EDNRB: variants seen among roughly 807,000 people sequenced by gnomAD.
EDNRB encodes the protein endothelin receptor type B.
In EDNRB, 18 loss-of-function variants were observed where a neutral mutation model predicts 46.4. The observed-to-expected ratio is 0.39, with a 90% CI of 0.27 to 0.57. EDNRB has a LOEUF of 0.57. EDNRB is among the 20% of genes least tolerant of loss of function. The probability of loss-of-function intolerance (pLI) is 0.61; values close to 1 mark genes in which losing one functional copy is unlikely to be tolerated. For synonymous variants in EDNRB, 213 were observed against 204.9 expected (o/e 1.04, Z -0.34); for missense variants, 434 against 537.5 (o/e 0.81, Z 1.90).
At chr13:77,906,294 T>G (rs1879275146) in intron 1 of EDNRB, among the ~76,000 whole-genome samples, 1 of 151,926 alleles carries the variant, frequency 6.6e-6, no homozygotes, top group African/African-American at 2.4e-5. Context: ...CCCTTAGAAA[T>G]AAGAATAAAA....
At chr13:77,905,931 G>T in intron 1 of EDNRB, among the ~76,000 whole-genome samples, 1 of 151,922 alleles carries the variant, frequency 6.6e-6, no homozygotes, top group Non-Finnish European at 1.5e-5. Flanking sequence ...TCATTGCAAG[G>T]TTTGAAGAAG....
At chr13:77,963,162 G>T in intron 1 of EDNRB, among the ~76,000 whole-genome samples, 1 of 152,176 alleles carries the variant, frequency 6.6e-6, no homozygotes, top group East Asian at 1.9e-4. Context: ...TCATGGATAA[G>T]AATAATCAAT....
At chr13:77,903,877 C>T (rs1879135435) in intron 1 of EDNRB, among the ~76,000 whole-genome samples, 1 of 151,966 alleles carries the variant, frequency 6.6e-6, no homozygotes, top group Admixed American at 6.6e-5. Flanking sequence ...TCAGAGCAAA[C>T]TTGAGCCAGT....
intron 1 of EDNRB, among the ~76,000 whole-genome samples, chr13:77,950,366 A>G (rs1455674588): frequency 6.6e-6 from 1 of 152,172 alleles, no homozygotes; most frequent in Admixed American, 6.5e-5. Context: ...TGAGTTCCTC[A>G]GGGAGTGGTG....
Position 77,897,316 on chromosome 13 carries a change from T to C in EDNRB, c.*884A>G, listed in dbSNP as rs200208379. 4.1e-6 allele frequency: 4 copies of C among 985,222 alleles called. No homozygotes were observed. The highest frequency in any genetic ancestry group is 3.6e-6 in the Non-Finnish European group (3 of 829,844). 61.0% of individuals were successfully genotyped at this position (985,222 alleles called of 1,614,324 possible). Reference sequence around the variant, plus strand: ...AAGCTACGATAGTGAAAGAAGAAGATTTTAATAATCCTGAAAAAATTGTAG... The same window carrying C: ...AAGCTACGATAGTGAAAGAAGAAGACTTTAATAATCCTGAAAAAATTGTAG... On this transcript the variant is annotated 3_prime_UTR_variant, in exon 7 of 7. Coordinates refer to ENST00000646607, the MANE Select transcript of EDNRB (RefSeq NM_001122659.3).
intron 1 of EDNRB, among the ~76,000 whole-genome samples, chr13:77,912,453 A>G (rs1485409702): frequency 6.6e-6 from 1 of 152,148 alleles, no homozygotes; most frequent in Non-Finnish European, 1.5e-5. Flanking sequence ...TTCTGCTATC[A>G]ACCTGTTATC....
chr13:77,924,007 C>T (rs1280874976), upstream of EDNRB, among the ~76,000 whole-genome samples: 3 of 151,766 alleles, frequency 2.0e-5, no homozygotes, highest in South Asian at 2.1e-4. Flanking sequence ...AAAAAGTTTC[C>T]GATTATGCTT....
intron 1 of EDNRB, among the ~76,000 whole-genome samples, chr13:77,908,695 T>A (rs1879416439): frequency 6.6e-6 from 1 of 151,954 alleles, no homozygotes; most frequent in African/African-American, 2.4e-5. Flanking sequence ...TTTTAGTTTT[T>A]TCTTTGGACT....
chr13:77,931,371 T>C (rs1880392139), intron 1 of EDNRB, among the ~76,000 whole-genome samples: 1 of 152,098 alleles, frequency 6.6e-6, no homozygotes, highest in Admixed American at 6.6e-5. Flanking sequence ...ATAAATGACA[T>C]TCTTGGAAAA....
At position 77,918,657 on chromosome 13, in the gene EDNRB, C is replaced by T. The variant is rs1469384463; in HGVS notation, c.-84G>A. 3.4e-6 allele frequency: 5 copies of T among 1,475,092 alleles called. No homozygotes were observed. The highest frequency in any genetic ancestry group is 3.6e-4 in the Middle Eastern group (2 of 5,516). The allele number at this position is 1,475,092 out of a possible 1,614,324, so 91.4% of individuals were successfully genotyped here. On this transcript the variant is annotated 5_prime_UTR_variant, in exon 1 of 7. The change creates a new upstream start codon in the 5' untranslated region. Transcript: ENST00000646607. The surrounding 1 kb of genome is among the most constrained non-coding windows in gnomAD (Gnocchi z 4.5). ...CAAGCAGAGGAAGGAAGACAGGACA[C>T]TTGGGTCAGCTGCCCGAGCCAAGTC...
intron 1 of EDNRB, among the ~76,000 whole-genome samples, chr13:77,916,473 T>C (rs6563022): frequency 0.54 from 82,582 of 152,022 alleles, 23,165 homozygotes; most frequent in Non-Finnish European, 0.62. Flanking sequence ...TCAATTGCCA[T>C]ACAGGATTTT....
rs1400314532 is a variant in EDNRB at position 77,898,239 on chromosome 13, A to G, written c.1290T>C (p.Tyr430=). ...CLKFKANDHG[Y]DNFRSSNKYS... ...ATTTATTACTGGAACGGAAGTTGTCATATCCGTGATCATTAGCTTTGAACT... is the reference window on the plus strand; with the variant it reads ...ATTTATTACTGGAACGGAAGTTGTCGTATCCGTGATCATTAGCTTTGAACT... Residue 430 remains tyrosine (Y), a synonymous_variant, in exon 7 of 7, where the codon TAT becomes TAC. Coordinates refer to ENST00000646607, the MANE Select transcript of EDNRB (RefSeq NM_001122659.3). 2 of 1,612,130 alleles carry G rather than the reference A, an allele frequency of 1.2e-6. No homozygotes were observed. The highest frequency in any genetic ancestry group is 2.7e-5 in the African/African-American group (2 of 74,944).
intron 1 of EDNRB, among the ~76,000 whole-genome samples, chr13:77,926,662 C>G (rs1203208407): frequency 6.6e-6 from 1 of 152,178 alleles, no homozygotes; most frequent in Non-Finnish European, 1.5e-5. Flanking sequence ...CTTCTGAGCC[C>G]TCTAAACTCT....
In EDNRB at chr13:77,901,044, T is replaced by G; in HGVS notation, c.951+14A>C. 1 of 1,609,130 alleles carries G rather than the reference T, an allele frequency of 6.2e-7. No individual in the cohort carries two copies. Among genetic ancestry groups the G allele is most frequent in the Non-Finnish European group, 8.5e-7 (1 of 1,177,932 alleles). On this transcript the variant is annotated intron_variant, in intron 4 of 6. Transcript: ENST00000646607. ...AATTCAACCACGAGTTATCAAATAT[T>G]TGTATTTTCTTACCTGCTTTAGGTG...
At chr13:77,900,010 T>C (rs201071501) in intron 5 of EDNRB, 43 bp from the exon 6 acceptor site, 11 of 1,513,224 alleles carry the variant, frequency 7.3e-6, no homozygotes, top group Non-Finnish European at 1.0e-5. Context: ...AATATGCTAT[T>C]CTGAACATGT....
In EDNRB at chr13:77,896,619, G is replaced by A. The variant is rs1339545714; in HGVS notation, c.*1581C>T. Reference sequence around the variant, plus strand: ...ATTTTAAGACCGAGTTAAAGCTCTTGGGCCCAATTTATTTCGAAAGTCACT... The same window carrying A: ...ATTTTAAGACCGAGTTAAAGCTCTTAGGCCCAATTTATTTCGAAAGTCACT... On this transcript the variant is annotated 3_prime_UTR_variant, in exon 7 of 7. Coordinates refer to ENST00000646607, the MANE Select transcript of EDNRB (RefSeq NM_001122659.3). The A allele has an allele frequency of 6.5e-7, 1 of 1,532,258 alleles. No individual in the cohort carries two copies. Among genetic ancestry groups the A allele is most frequent in the African/African-American group, 1.4e-5 (1 of 72,042 alleles). The allele number at this position is 1,532,258 out of a possible 1,614,324, so 94.9% of individuals were successfully genotyped here. A position where few individuals can be genotyped will look rare whatever the true frequency, so the allele number is the denominator to read the frequency against.
At chr13:77,900,695 T>A (rs1566304745) in intron 4 of EDNRB, 41 bp from the exon 5 acceptor site, 2 of 1,611,028 alleles carry the variant, frequency 1.2e-6, no homozygotes, top group Admixed American at 3.3e-5. Flanking sequence ...AGATGGCTCA[T>A]TTTACTCATA....
At chr13:77,900,430 G>A in intron 5 of EDNRB, 91 bp downstream of exon 5, 1 of 1,574,240 alleles carries the variant, frequency 6.4e-7, no homozygotes, top group Admixed American at 1.7e-5. Context: ...TAGAAAAATG[G>A]TAGTCTGTCT....
At chr13:77,919,537 G>T, upstream of EDNRB, 1 of 1,612,684 alleles carries the variant, frequency 6.2e-7, no homozygotes, top group Non-Finnish European at 8.5e-7. Flanking sequence ...CTGACGAAAC[G>T]CTGCGAGAAT....
Sources: allele counts gnomAD v4.1 joint callset (sites outside exome capture counted in the v4.1 genomes callset), GRCh38; gene constraint gnomAD v4.1.1; non-coding constraint Gnocchi (gnomAD v3.1); transcripts MANE v1.5; gene names NCBI Gene and HGNC (gene_info 2026-07-23, HGNC 2026-07-21).